The following REDIC1 variants were observed in gnomAD, a reference collection of about 807,000 sequenced individuals.
REDIC1 encodes the protein regulator of DNA class I crossover intermediates 1.
the REDIC1 span, among the ~76,000 whole-genome samples, chr12:39,822,777 A>C: frequency 2.0e-5 from 3 of 152,256 alleles, no homozygotes; most frequent in Non-Finnish European, 4.4e-5. Context: ...ACATGGGTTG[A>C]CTAGAAATAT....
chr12:39,818,437 A>G, the REDIC1 span, among the ~76,000 whole-genome samples: 1 of 152,216 alleles, frequency 6.6e-6, no homozygotes, highest in Admixed American at 6.5e-5. Flanking sequence ...CAATCAGTGA[A>G]GAGCTTACAA....
the REDIC1 span, among the ~76,000 whole-genome samples, chr12:39,733,406 A>G: frequency 6.6e-6 from 1 of 151,962 alleles, no homozygotes; most frequent in Non-Finnish European, 1.5e-5. Flanking sequence ...AGGCACTTCT[A>G]TTATCAATTT....
the REDIC1 span, chr12:39,759,872 T>A: frequency 3.3e-6 from 2 of 597,018 alleles, no homozygotes; most frequent in Admixed American, 3.2e-5. Context: ...TCATCATGGT[T>A]GTATCTTCCT....
At chr12:39,892,814 G>A in the REDIC1 span, among the ~76,000 whole-genome samples, 1 of 151,956 alleles carries the variant, frequency 6.6e-6, no homozygotes, top group African/African-American at 2.4e-5. Flanking sequence ...ATTGACAGAA[G>A]ATGAAAAGTA....
At chr12:39,767,796 T>C in the REDIC1 span, among the ~76,000 whole-genome samples, 1 of 152,066 alleles carries the variant, frequency 6.6e-6, no homozygotes, top group East Asian at 1.9e-4. Context: ...GAGTGAGTTC[T>C]CATGAGATCT....
the REDIC1 span, among the ~76,000 whole-genome samples, chr12:39,878,607 C>T: frequency 1.2e-4 from 19 of 152,190 alleles, no homozygotes; most frequent in South Asian, 2.1e-4. Flanking sequence ...TTCAAGAAGT[C>T]GCCTGTCTGC....
At chr12:39,790,790 G>A in the REDIC1 span, among the ~76,000 whole-genome samples, 5 of 58,256 alleles carry the variant, frequency 8.6e-5, no homozygotes, top group Non-Finnish European at 1.4e-4. Flanking sequence ...CTGAGGAATC[G>A]CCACACTGAC....
chr12:39,725,709 A>T, the REDIC1 span, among the ~76,000 whole-genome samples: 1 of 151,558 alleles, frequency 6.6e-6, no homozygotes, highest in African/African-American at 2.4e-5. Context: ...TAGGATGTTG[A>T]CTGATTGTAT....
the REDIC1 span, chr12:39,626,245 C>T: frequency 1.2e-5 from 17 of 1,449,626 alleles, no homozygotes; most frequent in Non-Finnish European, 1.5e-5. Flanking sequence ...GTCAGGAGGC[C>T]CTGGGGGATC....
the REDIC1 span, among the ~76,000 whole-genome samples, chr12:39,773,400 C>G: frequency 6.6e-6 from 1 of 152,160 alleles, no homozygotes; most frequent in African/African-American, 2.4e-5. Flanking sequence ...ATGGAATACA[C>G]AGAACTCCCT....
chr12:39,720,455 G>A, the REDIC1 span, among the ~76,000 whole-genome samples: 1 of 151,998 alleles, frequency 6.6e-6, no homozygotes, highest in Non-Finnish European at 1.5e-5. Context: ...CATTTCTTCT[G>A]TTGAAAGGGT....
At chr12:39,630,492 A>G in the REDIC1 span, among the ~76,000 whole-genome samples, 5 of 152,214 alleles carry the variant, frequency 3.3e-5, no homozygotes, top group East Asian at 5.8e-4. Flanking sequence ...ATTGAGTGCT[A>G]TGTACCAAGC....
the REDIC1 span, among the ~76,000 whole-genome samples, chr12:39,853,344 A>C: frequency 1.3e-5 from 2 of 152,136 alleles, no homozygotes; most frequent in African/African-American, 4.8e-5. Flanking sequence ...TGGAAAGATA[A>C]CAGTGGTTAT....
the REDIC1 span, among the ~76,000 whole-genome samples, chr12:39,733,213 C>A: frequency 6.6e-6 from 1 of 152,050 alleles, no homozygotes; most frequent in South Asian, 2.1e-4. Context: ...AAAAAAGTTG[C>A]CAATGTACTC....
chr12:39,813,532 TAACAATATG>T, the REDIC1 span, among the ~76,000 whole-genome samples: 3 of 152,168 alleles, frequency 2.0e-5, no homozygotes, highest in African/African-American at 7.2e-5. Context: ...AAAAAATATA[TAACAATATG>T]ATTACTGCAC....
At chr12:39,856,237 G>GCATC in the REDIC1 span, among the ~76,000 whole-genome samples, 15 of 151,936 alleles carry the variant, frequency 9.9e-5, no homozygotes, top group South Asian at 2.1e-4. Flanking sequence ...ATCTATCCAT[G>GCATC]CATCCATCCA....
At chr12:39,650,228 T>G in the REDIC1 span, 1 of 1,552,884 alleles carries the variant, frequency 6.4e-7, no homozygotes, top group Non-Finnish European at 8.6e-7. The surrounding 1 kb of genome is among the most constrained non-coding windows in gnomAD (Gnocchi z 4.3). Context: ...TCTTCAAATT[T>G]TTTTTTTCAG....
At chr12:39,837,438 T>C in the REDIC1 span, among the ~76,000 whole-genome samples, 357 of 135,842 alleles carry the variant, frequency 2.6e-3, 2 homozygotes, top group African/African-American at 9.4e-3. Flanking sequence ...GGGCAAGGAC[T>C]TCATGTCCAA....
At chr12:39,722,534 AATG>A in the REDIC1 span, among the ~76,000 whole-genome samples, 1 of 152,288 alleles carries the variant, frequency 6.6e-6, no homozygotes, top group East Asian at 1.9e-4. Context: ...AGAAGACTAT[AATG>A]ATGACAGTAG....
Sources: allele counts gnomAD v4.1 joint callset (sites outside exome capture counted in the v4.1 genomes callset), GRCh38; gene constraint gnomAD v4.1.1; non-coding constraint Gnocchi (gnomAD v3.1); transcripts MANE v1.5; gene names NCBI Gene and HGNC (gene_info 2026-07-23, HGNC 2026-07-21).